TBX15: variants seen among roughly 807,000 people sequenced by gnomAD.
TBX15 encodes the protein T-box transcription factor TBX15.
In TBX15, 18 loss-of-function variants were observed where a neutral mutation model predicts 53.9. The ratio of observed to expected loss-of-function variants is 0.33; its 90% CI spans 0.23 to 0.49. TBX15 has a LOEUF of 0.49. Ranked by LOEUF, TBX15 falls within the 20% of genes least tolerant of loss-of-function variation. TBX15 has a pLI of 0.98. For synonymous variants in TBX15, 295 were observed against 278.0 expected, an observed-to-expected ratio of 1.06 and a Z score of -0.61; for missense variants, 692 against 749.5, an observed-to-expected ratio of 0.92 and a Z score of 0.90.
chr1:118,924,605 G>A (rs1477300989), intron 4 of TBX15, 41 bp downstream of exon 4: 1 of 1,612,646 alleles, frequency 6.2e-7, no homozygotes, highest in Non-Finnish European at 8.5e-7. Flanking sequence ...AGCAAACAGA[G>A]GAAGAGAGAA....
rs1657423551 is a variant in TBX15, at chr1:118,976,114, T to C, written c.205+11477A>G. 3.3e-5 allele frequency among the ~76,000 whole-genome samples: 5 copies of C among 152,200 alleles called. No homozygotes were observed. The South Asian group carries it at 8.3e-4, about 25-fold the overall frequency. On this transcript the variant is annotated intron_variant, in intron 1 of 7. Coordinates refer to ENST00000369429, the MANE Select transcript of TBX15 (RefSeq NM_001330677.2). Reference sequence around the variant, plus strand: ...GTAAATGATCAAATCCAGGCTTCTGTTTTACAGAAGGAAGAAAACTGGGCA... The same window carrying C: ...GTAAATGATCAAATCCAGGCTTCTGCTTTACAGAAGGAAGAAAACTGGGCA...
intron 1 of TBX15, among the ~76,000 whole-genome samples, chr1:118,979,527 C>T (rs1335340856): frequency 6.6e-6 from 1 of 152,210 alleles, no homozygotes; most frequent in Non-Finnish European, 1.5e-5. Flanking sequence ...GAAATTTGTT[C>T]TGCCTGATGA....
intron 1 of TBX15, among the ~76,000 whole-genome samples, chr1:118,935,892 G>A (rs765574132): frequency 4.6e-5 from 7 of 152,044 alleles, no homozygotes; most frequent in Non-Finnish European, 1.0e-4. Flanking sequence ...TGTCTATTTT[G>A]TGGACAAGGA....
chr1:118,897,738 C>T (rs543778742), intron 7 of TBX15, among the ~76,000 whole-genome samples: 14 of 152,170 alleles, frequency 9.2e-5, no homozygotes, highest in South Asian at 2.1e-4. Context: ...AATGGCCATC[C>T]GTGAGGGCCT....
chr1:118,885,258 G>T lies in TBX15; in HGVS notation c.1283C>A (p.Thr428Asn). 1 of 1,614,126 alleles carries T rather than the reference G, an allele frequency of 6.2e-7. No homozygotes were observed. Among genetic ancestry groups the T allele is most frequent in the African/African-American group, 1.3e-5 (1 of 75,040 alleles). Residue 428 changes from threonine (T) to asparagine (N), a missense_variant, in exon 8 of 8, where the codon ACC becomes AAC. Transcript: ENST00000369429. The stretch of plus-strand genomic sequence containing the variant: ...TTCAGAGGGCTGAGTGGCTGAAGTG[G>T]TGCCACTCTGAAGCCTGTTGTAGCC... ...DSGYNRLQSG[T>N]TSATQPSETF...
At chr1:118,922,815 C>T (rs1655466364) in intron 5 of TBX15, among the ~76,000 whole-genome samples, 1 of 152,162 alleles carries the variant, frequency 6.6e-6, no homozygotes, top group Admixed American at 6.6e-5. Context: ...ACAATAATGG[C>T]TCTCCTAGTC....
chr1:118,935,071 G>T (rs1334955638), intron 1 of TBX15, among the ~76,000 whole-genome samples: 1 of 152,042 alleles, frequency 6.6e-6, no homozygotes, highest in African/African-American at 2.4e-5. Context: ...CTTCTAGAAG[G>T]GTTAGGGCCA....
chr1:118,888,773 T>A (rs1654033641), intron 7 of TBX15, among the ~76,000 whole-genome samples: 1 of 152,174 alleles, frequency 6.6e-6, no homozygotes, highest in African/African-American at 2.4e-5. Flanking sequence ...GTATGTTCTA[T>A]CAGGCACTGG....
chr1:118,907,727 C>G (rs113363409), intron 6 of TBX15, among the ~76,000 whole-genome samples: 1 of 152,306 alleles, frequency 6.6e-6, no homozygotes, highest in South Asian at 2.1e-4. Context: ...GGATCTTTGT[C>G]TTCTCCTTGG....
intron 6 of TBX15, among the ~76,000 whole-genome samples, chr1:118,909,386 G>T (rs1256711895): frequency 6.6e-6 from 1 of 152,186 alleles, no homozygotes; most frequent in African/African-American, 2.4e-5. Context: ...TCCACATAAT[G>T]AAAAGACAGC....
chr1:118,893,951 C>T (rs1007760228), intron 7 of TBX15, among the ~76,000 whole-genome samples: 5 of 152,128 alleles, frequency 3.3e-5, no homozygotes, highest in African/African-American at 1.2e-4. Flanking sequence ...GGATAAGAGA[C>T]ATTAATGAAA....
At chr1:118,890,924 A>G (rs760044634) in intron 7 of TBX15, 3 of 1,304,210 alleles carry the variant, frequency 2.3e-6, no homozygotes, top group South Asian at 2.5e-5. Flanking sequence ...GTCTCTGAGG[A>G]GTGCTGATTC....
chr1:118,948,281 C>T (rs528937057), intron 1 of TBX15, among the ~76,000 whole-genome samples: 2 of 152,182 alleles, frequency 1.3e-5, no homozygotes, highest in East Asian at 3.9e-4. Context: ...AGTTTACAGT[C>T]CACACCGAGA....
At chr1:118,893,401 G>GAAAGAAAGAA (rs1654249595) in intron 7 of TBX15, among the ~76,000 whole-genome samples, 1 of 133,420 alleles carries the variant, frequency 7.5e-6, no homozygotes, top group Non-Finnish European at 1.6e-5. Context: ...AAGAAAGAAA[G>GAAAGAAAGAA]AAAGAAAGGA....
chr1:118,917,879 T>C (rs1312212926), intron 5 of TBX15, among the ~76,000 whole-genome samples: 1 of 152,180 alleles, frequency 6.6e-6, no homozygotes, highest in Non-Finnish European at 1.5e-5. Context: ...AGCAGGCCCT[T>C]ACTCTGGCCT....
intron 1 of TBX15, among the ~76,000 whole-genome samples, chr1:118,957,442 A>G (rs1352013975): frequency 6.6e-6 from 1 of 152,190 alleles, no homozygotes; most frequent in Non-Finnish European, 1.5e-5. Flanking sequence ...AATTTCAGCA[A>G]TCAAGATAAA....
intron 1 of TBX15, among the ~76,000 whole-genome samples, chr1:118,974,553 A>G (rs1657356615): frequency 6.6e-6 from 1 of 152,238 alleles, no homozygotes; most frequent in Non-Finnish European, 1.5e-5. Flanking sequence ...ATGGAAAGAC[A>G]GTGAACAGGT....
chr1:118,942,283 A>G (rs1205377487), intron 1 of TBX15, among the ~76,000 whole-genome samples: 1 of 152,238 alleles, frequency 6.6e-6, no homozygotes, highest in Non-Finnish European at 1.5e-5. Context: ...CATCCTGACC[A>G]CATCTGTGTT....
rs541041337 is a variant in TBX15, at chr1:118,884,616, A to C, written c.*116T>G. 3.0e-5 allele frequency: 39 copies of C among 1,316,668 alleles called. No individual in the cohort carries two copies. The Middle Eastern group carries it at 8.0e-4, about 27-fold the overall frequency. The allele number at this position is 1,316,668 out of a possible 1,614,324, so 81.6% of individuals were successfully genotyped here. ...TATGTCTTCGGCCAGAAAAAAAAAA[A>C]AAAAAAAAACACGGTTCCTGTTTTT... On this transcript the variant is annotated 3_prime_UTR_variant, in exon 8 of 8. Coordinates refer to ENST00000369429, the MANE Select transcript of TBX15 (RefSeq NM_001330677.2).
Sources: allele counts gnomAD v4.1 joint callset (sites outside exome capture counted in the v4.1 genomes callset), GRCh38; gene constraint gnomAD v4.1.1; transcripts MANE v1.5; gene names NCBI Gene and HGNC (gene_info 2026-07-23, HGNC 2026-07-21).